Variants in GAS7 observed in about 807,000 individuals in gnomAD.
GAS7 encodes the protein growth arrest specific 7.
In GAS7, 28 loss-of-function variants were observed where a neutral mutation model predicts 71.1. The observed-to-expected ratio is 0.39, with a 90% CI of 0.29 to 0.54. The LOEUF is 0.54. GAS7 is among the 20% of genes least tolerant of loss of function. GAS7 has a pLI of 0.62. For missense variants in GAS7, 436 were observed against 627.8 expected (o/e 0.69, Z 3.27); for synonymous variants, 258 against 245.8 (o/e 1.05, Z -0.46).
At chr17:9,931,695 A>G (rs2068213663) in intron 9 of GAS7, among the ~76,000 whole-genome samples, 1 of 152,212 alleles carries the variant, frequency 6.6e-6, no homozygotes, top group Non-Finnish European at 1.5e-5. Flanking sequence ...GCAATTTTCT[A>G]CTGAAGCGCT....
At chr17:10,156,749 G>C (rs2074208097) in intron 1 of GAS7, among the ~76,000 whole-genome samples, 1 of 152,158 alleles carries the variant, frequency 6.6e-6, no homozygotes, top group Non-Finnish European at 1.5e-5. Context: ...GTTGGGAGTA[G>C]CAGTGGCTTC....
At chr17:9,955,720 C>T (rs2069204121) in intron 5 of GAS7, among the ~76,000 whole-genome samples, 1 of 152,208 alleles carries the variant, frequency 6.6e-6, no homozygotes, top group African/African-American at 2.4e-5. Flanking sequence ...AGGAAGGGTG[C>T]TCAAGAGGGA....
intron 1 of GAS7, among the ~76,000 whole-genome samples, chr17:10,031,667 C>T (rs373676841): frequency 3.9e-5 from 6 of 152,224 alleles, no homozygotes; most frequent in South Asian, 2.1e-4. Context: ...ACCTGCTGTA[C>T]GAATGTAAGA....
intron 1 of GAS7, among the ~76,000 whole-genome samples, chr17:10,184,402 C>T (rs2074437570): frequency 6.6e-6 from 1 of 152,218 alleles, no homozygotes. Context: ...GGTCTAATTC[C>T]AAAACCTGTG....
intron 1 of GAS7, among the ~76,000 whole-genome samples, chr17:10,040,731 T>C (rs1382124610): frequency 6.6e-6 from 1 of 152,162 alleles, no homozygotes; most frequent in Non-Finnish European, 1.5e-5. Context: ...GCTGAGTTAT[T>C]TGCATCTTCT....
intron 1 of GAS7, among the ~76,000 whole-genome samples, chr17:10,148,686 C>T (rs994216566): frequency 7.3e-5 from 11 of 150,052 alleles, no homozygotes; most frequent in South Asian, 2.1e-4. Context: ...CTGAGGTGGG[C>T]GGATCACGAG....
At chr17:9,960,901 GACTTCTTT>G (rs1270716554) in intron 4 of GAS7, among the ~76,000 whole-genome samples, 1 of 152,234 alleles carries the variant, frequency 6.6e-6, no homozygotes, top group African/African-American at 2.4e-5. Flanking sequence ...CAGAGAATCT[GACTTCTTT>G]GAGCCTCAAT....
At chr17:10,059,571 A>C (rs889607241) in intron 1 of GAS7, 1 of 357,706 alleles carries the variant, frequency 2.8e-6, no homozygotes, top group Non-Finnish European at 3.9e-6. Flanking sequence ...GCCAAGCAAG[A>C]GGTCATCCAA....
At chr17:10,143,867 G>A (rs1234763653) in intron 1 of GAS7, among the ~76,000 whole-genome samples, 1 of 152,228 alleles carries the variant, frequency 6.6e-6, no homozygotes, top group East Asian at 1.9e-4. Flanking sequence ...TGTCTGTCAG[G>A]TTGCATGGGC....
intron 1 of GAS7, among the ~76,000 whole-genome samples, chr17:10,132,223 C>T (rs774140762): frequency 2.0e-4 from 30 of 152,326 alleles, no homozygotes; most frequent in Non-Finnish European, 3.4e-4. Context: ...CTTTTGTTTC[C>T]TAAACATCTG....
chr17:10,124,679 G>A (rs983006499), intron 1 of GAS7, among the ~76,000 whole-genome samples: 5 of 152,170 alleles, frequency 3.3e-5, no homozygotes, highest in African/African-American at 9.7e-5. Context: ...AGTTTGGGGG[G>A]GAGCTGAGGC....
At chr17:10,005,143 A>ACGCATGCATGCATGTGTGTGCGCG (rs55955031) in intron 2 of GAS7, among the ~76,000 whole-genome samples, 2 of 72,942 alleles carry the variant, frequency 2.7e-5, no homozygotes, top group Non-Finnish European at 8.2e-5. Flanking sequence ...GTGTGCGCGC[A>ACGCATGCATGCATGTGTGTGCGCG]CGCATGCATG....
chr17:9,942,453 A>G (rs570130911), intron 7 of GAS7, among the ~76,000 whole-genome samples: 1 of 151,868 alleles, frequency 6.6e-6, no homozygotes, highest in East Asian at 1.9e-4. Context: ...TAGAGAAGGA[A>G]CTTCTCTTTC....
At chr17:10,101,630 T>A (rs2073700274) in intron 1 of GAS7, among the ~76,000 whole-genome samples, 1 of 152,162 alleles carries the variant, frequency 6.6e-6, no homozygotes, top group Non-Finnish European at 1.5e-5. Flanking sequence ...CACCCCACAC[T>A]CTGTGACTGT....
At chr17:10,164,016 G>T (rs2074274752) in intron 1 of GAS7, among the ~76,000 whole-genome samples, 1 of 152,166 alleles carries the variant, frequency 6.6e-6, no homozygotes, top group Non-Finnish European at 1.5e-5. Flanking sequence ...CCCCAGCTCA[G>T]ATTTCTCAGT....
chr17:10,041,715 C>T (rs16959251), intron 1 of GAS7, among the ~76,000 whole-genome samples: 7,227 of 152,208 alleles, frequency 0.047, 604 homozygotes, highest in African/African-American at 0.16. Context: ...TTAGCGTTGG[C>T]CGTGAAAAAC....
chr17:9,945,108 C>G (rs910280014), intron 6 of GAS7, among the ~76,000 whole-genome samples: 1 of 152,108 alleles, frequency 6.6e-6, no homozygotes, highest in African/African-American at 2.4e-5. Flanking sequence ...AGACCCCACA[C>G]GCTGACCTCC....
intron 1 of GAS7, among the ~76,000 whole-genome samples, chr17:10,115,357 G>A (rs1567598047): frequency 1.3e-5 from 2 of 152,172 alleles, no homozygotes. Flanking sequence ...ACAGCTGTAG[G>A]TTCATAACTA....
chr17:10,126,160 AG>A (rs1251051425), intron 1 of GAS7, among the ~76,000 whole-genome samples: 1 of 152,186 alleles, frequency 6.6e-6, no homozygotes, highest in Non-Finnish European at 1.5e-5. Context: ...GACTCAAGGA[AG>A]GGGAAGGGTT....
Sources: allele counts gnomAD v4.1 joint callset (sites outside exome capture counted in the v4.1 genomes callset), GRCh38; gene constraint gnomAD v4.1.1; transcripts MANE v1.5; gene names NCBI Gene and HGNC (gene_info 2026-07-23, HGNC 2026-07-21).